The following MUC17 variants were observed in gnomAD, a reference collection of about 807,000 sequenced individuals.
MUC17 encodes the protein mucin 17, cell surface associated.
Under a neutral mutation model 170.3 loss-of-function variants are expected in MUC17, and 190 were observed. The observed-to-expected ratio is 1.12, with a 90% CI of 0.99 to 1.26. The LOEUF (loss-of-function observed/expected upper bound fraction) is 1.26, where lower values mean the gene tolerates loss of function less well. Ranked by LOEUF, MUC17 falls within the 50% of genes most tolerant of loss-of-function variation. MUC17 has a pLI of 0.00. For synonymous variants in MUC17, 2,325 were observed against 2,002.5 expected (o/e 1.16, Z -4.30); for missense variants, 6,415 against 5,530.0 (o/e 1.16, Z -5.08).
In MUC17 at chr7:101,038,551, C is replaced by T. The variant is rs755936028; in HGVS notation, c.7135C>T (p.Pro2379Ser). The T allele has an allele frequency of 6.2e-6, 10 of 1,614,136 alleles. No individual in the cohort carries two copies. The Admixed American group carries it at 1.2e-4, about 19-fold the overall frequency. ...TACTTATTCTCAAGCCGGTTCATCT[C>T]CTACAACTGCTGACGATACTAGCAT... ...VTTYSQAGSS[P>S]TTADDTSMPT... Residue 2379 changes from proline to serine, a missense_variant, in exon 3 of 13, where the codon CCT becomes TCT. By Grantham distance (74) the Pro-to-Ser change is moderately conservative. Transcript: ENST00000306151.
intron 12 of MUC17, 82 bp from the exon 13 acceptor site, chr7:101,057,921 C>G (rs914124761): frequency 8.4e-7 from 1 of 1,196,434 alleles, no homozygotes; most frequent in African/African-American, 1.5e-5. Flanking sequence ...CAGAACACTT[C>G]CTATCCCAAT....
In MUC17 at chr7:101,020,081, C is replaced by A; in HGVS notation, c.-55C>A. 1.3e-6 allele frequency: 2 copies of A among 1,499,844 alleles called. No individual in the cohort carries two copies. The highest frequency in any genetic ancestry group is 1.8e-6 in the Non-Finnish European group (2 of 1,109,260). 92.9% of individuals were successfully genotyped at this position (1,499,844 alleles called of 1,614,324 possible). A position where few individuals can be genotyped will look rare whatever the true frequency, so the allele number is the denominator to read the frequency against. On this transcript the variant is annotated 5_prime_UTR_variant, in exon 1 of 13. Transcript: ENST00000306151. ...TTTATCAGTTTCCTTCTCTGAGGCTCATTTCGCCAGCTCCTCTGGGGGTGA... is the reference window on the plus strand; with the variant it reads ...TTTATCAGTTTCCTTCTCTGAGGCTAATTTCGCCAGCTCCTCTGGGGGTGA...
chr7:101,021,413 C>G (rs1218276816), intron 1 of MUC17, among the ~76,000 whole-genome samples: 1 of 152,108 alleles, frequency 6.6e-6, no homozygotes, highest in Non-Finnish European at 1.5e-5. Context: ...GTCTCAAACT[C>G]CTGATCTCAG....
At chr7:101,056,881 A>G (rs1795055197) in intron 12 of MUC17, among the ~76,000 whole-genome samples, 1 of 152,046 alleles carries the variant, frequency 6.6e-6, no homozygotes, top group African/African-American at 2.4e-5. Flanking sequence ...AACAGATTTC[A>G]CTCACTGACT....
At chr7:101,050,973 T>C (rs895604826) in intron 7 of MUC17, among the ~76,000 whole-genome samples, 1 of 152,104 alleles carries the variant, frequency 6.6e-6, no homozygotes, top group African/African-American at 2.4e-5. Flanking sequence ...GTGCCAGGAC[T>C]AACGGCTATA....
chr7:101,048,732 A>G, intron 4 of MUC17, 113 bp from the exon 5 acceptor site: 2 of 1,207,754 alleles, frequency 1.7e-6, no homozygotes, highest in East Asian at 2.4e-5. Context: ...CAAATTTGGC[A>G]CAAAATTTTA....
Position 101,035,235 on chromosome 7 carries a change from T to C in MUC17, c.3819T>C (p.Thr1273=), listed in dbSNP as rs772962798. Residue 1273 remains threonine (T), a synonymous_variant, in exon 3 of 13, where the codon ACT becomes ACC. Transcript: ENST00000306151. ...AEGTSLPTST[T]SEGSTLLTSI... is the part of the protein sequence containing the mutation. ...GTACCAGCTTGCCAACCTCAACTAC[T>C]AGTGAAGGAAGTACTCTATTAACAA... The C allele has an allele frequency of 1.9e-6, 3 of 1,607,616 alleles. No homozygotes were observed. Among genetic ancestry groups the C allele is most frequent in the East Asian group, 2.3e-5 (1 of 44,416 alleles).
intron 7 of MUC17, 24 bp from the exon 8 acceptor site, chr7:101,051,589 G>C (rs1794944945): frequency 6.2e-7 from 1 of 1,612,122 alleles, no homozygotes; most frequent in African/African-American, 1.3e-5. Context: ...GTGTCGTGAG[G>C]GGTTTTATGT....
In MUC17 at chr7:101,043,304, C is replaced by G. The variant is rs150349503; in HGVS notation, c.11888C>G (p.Thr3963Ser). ...CCTGCAACAACTGGTGCTGTATCTA[C>G]CCCTGTGATAACTTCCACTGAACTA... ...VFPATTGAVSTPVITSTELNT... is the reference protein window; with the variant it reads ...VFPATTGAVSSPVITSTELNT... Residue 3963 changes from threonine to serine, a missense_variant, in exon 3 of 13, where the codon ACC (threonine) becomes AGC (serine). Physicochemically the swap from Thr to Ser is moderately conservative, Grantham distance 58. Transcript: ENST00000306151. 1 of 1,614,170 alleles carries G rather than the reference C, an allele frequency of 6.2e-7. No homozygotes were observed. The highest frequency in any genetic ancestry group is 1.3e-5 in the African/African-American group (1 of 75,034).
rs370889038 is a variant in MUC17 at position 101,033,804 on chromosome 7, G to T, written c.2388G>T (p.Met796Ile). ...CTACAACCACTGAAGGTACCAGCAT[G>T]CCAATCTCAACTCCTAGTGAAGGAA... is the stretch of plus-strand genomic sequence containing the variant. ...CSPTTTEGTS[M>I]PISTPSEGSP... The change falls in exon 3 of 13, where the codon ATG becomes ATT. Residue 796 changes from methionine (M) to isoleucine (I), a missense_variant. Met to Ile is a conservative substitution (Grantham distance 10). Coordinates refer to ENST00000306151, the MANE Select transcript of MUC17 (RefSeq NM_001040105.2). The T allele has an allele frequency of 1.8e-5, 29 of 1,613,890 alleles. No individual in the cohort carries two copies. The African/African-American group carries it at 3.6e-4, about 20-fold the overall frequency.
Position 101,041,470 on chromosome 7 carries a change from G to A in MUC17, c.10054G>A (p.Val3352Met). ...LTNMSFSTTP[V>M]VSSEASTLST... ...AAATATGTCTTTCAGCACCACGCCA[G>A]TGGTCAGTTCTGAGGCTAGCACCCT... is the stretch of plus-strand genomic sequence containing the variant. Residue 3352 changes from valine to methionine, a missense_variant, in exon 3 of 13, where the codon GTG becomes ATG. Val to Met is a conservative substitution (Grantham distance 21). Transcript: ENST00000306151. 6.2e-7 allele frequency: 1 copy of A among 1,614,094 alleles called. No homozygotes were observed. Among genetic ancestry groups the A allele is most frequent in the Non-Finnish European group, 8.5e-7 (1 of 1,180,016 alleles).
At position 101,054,057 on chromosome 7, in the gene MUC17, C is replaced by CAAAAAAAA; in HGVS notation, c.13363+649_13363+656dup. ...CCTGGGCAACAGAACAAGACCCTGT[C>CAAAAAAAA]AAAAAAAAAAAAAAAAAAAAAAAAA... On this transcript the variant is annotated intron_variant, in intron 11 of 12. Coordinates refer to ENST00000306151, the MANE Select transcript of MUC17 (RefSeq NM_001040105.2). Among the ~76,000 whole-genome samples, 75 of 40,382 alleles carry CAAAAAAAA rather than the reference C, an allele frequency of 1.9e-3. 1 individual carries two copies. Among genetic ancestry groups the CAAAAAAAA allele is most frequent in the East Asian group, 3.8e-3 (3 of 792 alleles). The allele number at this position is 40,382 out of a possible 152,430, so 26.5% of individuals were successfully genotyped here. A position where few individuals can be genotyped will look rare whatever the true frequency, so the allele number is the denominator to read the frequency against.
chr7:101,040,096 G>A lies in MUC17; in HGVS notation c.8680G>A (p.Val2894Ile), dbSNP rs1794645442. The A allele has an allele frequency of 1.9e-6, 3 of 1,612,656 alleles. No homozygotes were observed. Among genetic ancestry groups the A allele is most frequent in the Non-Finnish European group, 2.5e-6 (3 of 1,179,468 alleles). The change falls in exon 3 of 13, where the codon GTT becomes ATT. Residue 2894 changes from valine (V) to isoleucine (I), a missense_variant. Coordinates refer to ENST00000306151, the MANE Select transcript of MUC17 (RefSeq NM_001040105.2). ...GGCTAGCACCCTTTCAACAACTCCT[G>A]TTGATACCAGCATACCTGTCACCAC... ...SEASTLSTTP[V>I]DTSIPVTTST...
At chr7:101,020,731 T>C (rs1794060704) in intron 1 of MUC17, among the ~76,000 whole-genome samples, 1 of 152,240 alleles carries the variant, frequency 6.6e-6, no homozygotes, top group East Asian at 1.9e-4. Flanking sequence ...ATTCTAATCC[T>C]GCCATGAACC....
Position 101,047,703 on chromosome 7 carries a change from C to T in MUC17, c.12404-281C>T, listed in dbSNP as rs148240370. 1.2e-4 allele frequency among the ~76,000 whole-genome samples: 18 copies of T among 152,184 alleles called. No individual in the cohort carries two copies. In the East Asian group the frequency reaches 2.3e-3, roughly 20 times the overall value. On this transcript the variant is annotated intron_variant, in intron 3 of 12. Coordinates refer to ENST00000306151, the MANE Select transcript of MUC17 (RefSeq NM_001040105.2). ...AAACTTAGCTGGGTGTGGTGGCACG[C>T]GCCTGTAATCTCAGCTACTCAGGAG...
chr7:101,042,667 A>G lies in MUC17; in HGVS notation c.11251A>G (p.Ile3751Val). 6.2e-7 allele frequency: 1 copy of G among 1,614,000 alleles called. No homozygotes were observed. The highest frequency in any genetic ancestry group is 8.5e-7 in the Non-Finnish European group (1 of 1,180,034). ...CATGTCTGTGTCAATGCCCATGGAA[A>G]TAAGCACCCTTGGGACCACTATTCT... The part of the protein sequence containing the change: ...TTMSVSMPME[I>V]STLGTTILVS... Residue 3751 changes from isoleucine (I) to valine (V), a missense_variant, in exon 3 of 13, where the codon ATA (isoleucine) becomes GTA (valine). Coordinates refer to ENST00000306151, the MANE Select transcript of MUC17 (RefSeq NM_001040105.2).
At chr7:101,050,458 C>T (rs1349450722) in intron 6 of MUC17, 26 bp from the exon 7 acceptor site, 3 of 1,607,894 alleles carry the variant, frequency 1.9e-6, no homozygotes, top group Non-Finnish European at 2.5e-6. Context: ...ATTCTGACCC[C>T]AGGACGTCTT....
chr7:101,042,073 C>G lies in MUC17; in HGVS notation c.10657C>G (p.Gln3553Glu), dbSNP rs1794729116. The part of the protein sequence containing the change: ...DSNTFVTSSS[Q>E]ASSSPATLQV... ...CAACACTTTTGTTACCAGTTCTAGT[C>G]AAGCCAGTTCATCTCCAGCAACTCT... The change falls in exon 3 of 13, where the codon CAA becomes GAA. Residue 3553 changes from glutamine (Q) to glutamate (E), a missense_variant. Transcript: ENST00000306151. 1.4e-5 allele frequency: 22 copies of G among 1,613,816 alleles called. No individual in the cohort carries two copies. The highest frequency in any genetic ancestry group is 1.7e-5 in the Non-Finnish European group (20 of 1,179,980).
In MUC17 at chr7:101,043,138, C is replaced by T. The variant is rs749008202; in HGVS notation, c.11722C>T (p.Pro3908Ser). The T allele has an allele frequency of 1.2e-6, 2 of 1,614,156 alleles. No homozygotes were observed. Among genetic ancestry groups the T allele is most frequent in the Admixed American group, 3.3e-5 (2 of 60,022 alleles). The stretch of plus-strand genomic sequence containing the variant: ...TCTTGACACAAGCACAACTTTTACC[C>T]CTTCTACTGACACTGCCTCAACTCC... ...PPLDTSTTFT[P>S]STDTASTPTI... Residue 3908 changes from proline to serine, a missense_variant, in exon 3 of 13, where the codon CCT (proline) becomes TCT (serine). By Grantham distance (74) the Pro-to-Ser change is moderately conservative. Coordinates refer to ENST00000306151, the MANE Select transcript of MUC17 (RefSeq NM_001040105.2).
Sources: allele counts gnomAD v4.1 joint callset (sites outside exome capture counted in the v4.1 genomes callset), GRCh38; gene constraint gnomAD v4.1.1; transcripts MANE v1.5; gene names NCBI Gene and HGNC (gene_info 2026-07-23, HGNC 2026-07-21).